Variants in MRPL22 observed in about 807,000 individuals in gnomAD.
MRPL22 encodes the protein large ribosomal subunit protein uL22m.
Under a neutral mutation model 32.4 loss-of-function variants are expected in MRPL22, and 27 were observed. The observed-to-expected ratio is 0.83, with a 90% CI of 0.61 to 1.15. The LOEUF is 1.15. Among genes scored for constraint, MRPL22 ranks in the 50% most tolerant of loss-of-function variants. The probability of loss-of-function intolerance (pLI) is 0.00; values close to 1 mark genes in which losing one functional copy is unlikely to be tolerated. For synonymous variants in MRPL22, 86 were observed against 87.3 expected, an observed-to-expected ratio of 0.99 and a Z score of 0.08; for missense variants, 239 against 260.2, an observed-to-expected ratio of 0.92 and a Z score of 0.56.
chr5:154,942,475 G>A (rs1230680251), intron 2 of MRPL22, among the ~76,000 whole-genome samples: 3 of 152,172 alleles, frequency 2.0e-5, no homozygotes, highest in East Asian at 1.9e-4. Context: ...CTTAGGATTT[G>A]TCTGTACTCT....
intron 3 of MRPL22, among the ~76,000 whole-genome samples, chr5:154,954,871 A>G (rs1764611044): frequency 6.6e-6 from 1 of 152,018 alleles, no homozygotes; most frequent in Admixed American, 6.6e-5. Context: ...AGCTCACTAC[A>G]AGCTCCACCT....
intron 4 of MRPL22, 161 bp from the exon 5 acceptor site, chr5:154,956,974 A>C (rs967805674): frequency 2.7e-5 from 16 of 600,028 alleles, no homozygotes; most frequent in Non-Finnish European, 4.4e-5. Context: ...TTTGACTGAA[A>C]GAGAATAGTG....
At chr5:154,959,837 T>G in intron 5 of MRPL22, 143 bp from the exon 6 acceptor site, 1 of 617,106 alleles carries the variant, frequency 1.6e-6, no homozygotes, top group African/African-American at 1.8e-5. Context: ...TTTGTACTCT[T>G]ATCATTTGAT....
At chr5:154,953,310 G>A (rs1401582917) in intron 3 of MRPL22, among the ~76,000 whole-genome samples, 5 of 137,778 alleles carry the variant, frequency 3.6e-5, no homozygotes, top group East Asian at 2.2e-4. Context: ...AGCTGAGATC[G>A]CACCACTGCA....
intron 5 of MRPL22, among the ~76,000 whole-genome samples, chr5:154,958,162 G>A (rs1478234693): frequency 8.6e-5 from 13 of 151,870 alleles, no homozygotes; most frequent in African/African-American, 1.7e-4. Context: ...CAGGCGATCC[G>A]CCCACCTCAG....
At chr5:154,946,032 A>G (rs181637059) in intron 2 of MRPL22, among the ~76,000 whole-genome samples, 109 of 152,336 alleles carry the variant, frequency 7.2e-4, no homozygotes, top group African/African-American at 2.5e-3. Flanking sequence ...AAAGTATTAT[A>G]AGAATTCAGA....
chr5:154,966,885 T>A lies in MRPL22; in HGVS notation c.609T>A (p.Val203=). The change falls in exon 7 of 7, where the codon GTT becomes GTA. Residue 203 remains valine, a synonymous_variant. Coordinates refer to ENST00000523037, the MANE Select transcript of MRPL22 (RefSeq NM_014180.4). ...AGCAGCTTCGCAGCCGGACCATCGT[T>A]CACACTCTATGATGAGGAGATTCAG... The part of the protein sequence containing the change: ...YIQQLRSRTI[V]HTL 6 of 1,611,996 alleles carry A rather than the reference T, an allele frequency of 3.7e-6. No individual in the cohort carries two copies. The highest frequency in any genetic ancestry group is 5.1e-6 in the Non-Finnish European group (6 of 1,178,856).
intron 6 of MRPL22, 71 bp downstream of exon 6, chr5:154,960,120 A>T (rs1764683393): frequency 9.1e-7 from 1 of 1,097,534 alleles, no homozygotes; most frequent in South Asian, 1.3e-5. Flanking sequence ...ATCTAACAAC[A>T]GTCTTTAATA....
chr5:154,949,816 C>T (rs1462619972), intron 2 of MRPL22, among the ~76,000 whole-genome samples: 1 of 152,056 alleles, frequency 6.6e-6, no homozygotes, highest in Non-Finnish European at 1.5e-5. Flanking sequence ...ATCATCAAGT[C>T]TCAGCCTATT....
At chr5:154,956,484 G>C in intron 4 of MRPL22, 48 bp downstream of exon 4, 1 of 1,328,766 alleles carries the variant, frequency 7.5e-7, no homozygotes, top group South Asian at 1.3e-5. Context: ...TAGGAAAGAA[G>C]CTATGAGTTC....
chr5:154,952,588 T>C (rs1764577667), intron 3 of MRPL22, among the ~76,000 whole-genome samples: 1 of 152,212 alleles, frequency 6.6e-6, no homozygotes, highest in Non-Finnish European at 1.5e-5. Context: ...CTGGGAAATA[T>C]GAACATTTTC....
At position 154,941,155 on chromosome 5, in the gene MRPL22, G is replaced by A. The variant is rs760543773; in HGVS notation, c.28+17G>A. On this transcript the variant is annotated intron_variant, in intron 1 of 6. Transcript: ENST00000523037. ...GACAGTTGGGTAAGGATTTCTTAGTGGTTAAGCGACAGAAGGGAGTCGAGA... is the reference window on the plus strand; with the variant it reads ...GACAGTTGGGTAAGGATTTCTTAGTAGTTAAGCGACAGAAGGGAGTCGAGA... The A allele has an allele frequency of 1.2e-6, 2 of 1,614,172 alleles. No individual in the cohort carries two copies. Among genetic ancestry groups the A allele is most frequent in the Non-Finnish European group, 1.7e-6 (2 of 1,180,044 alleles).
chr5:154,950,673 C>G, intron 2 of MRPL22, 148 bp from the exon 3 acceptor site: 2 of 683,482 alleles, frequency 2.9e-6, no homozygotes, highest in Middle Eastern at 7.3e-4. Context: ...AAAGTAGTCT[C>G]TATTAATGAA....
At chr5:154,943,866 T>C (rs912544535) in intron 2 of MRPL22, among the ~76,000 whole-genome samples, 1 of 151,800 alleles carries the variant, frequency 6.6e-6, no homozygotes, top group African/African-American at 2.4e-5. Context: ...AGTCCTGTTA[T>C]ATTGCCCGGC....
intron 3 of MRPL22, chr5:154,955,464 A>G (rs1052322924): frequency 1.3e-5 from 2 of 152,192 alleles, no homozygotes; most frequent in Non-Finnish European, 2.9e-5. Context: ...CAATAGAGGA[A>G]CTTTTGAAAG....
rs74797109 is a variant in MRPL22 at position 154,945,354 on chromosome 5, C to A, written c.77+4089C>A. ...GCAACTGGAAGGGTAGAGTTAACCA[C>A]TTACTGAGCTAGGAAGACTTCCAGA... On this transcript the variant is annotated intron_variant, in intron 2 of 6. Coordinates refer to ENST00000523037, the MANE Select transcript of MRPL22 (RefSeq NM_014180.4). Among the ~76,000 whole-genome samples, 22 of 152,306 alleles carry A rather than the reference C, an allele frequency of 1.4e-4. No individual in the cohort carries two copies. The East Asian group carries it at 4.0e-3, about 28-fold the overall frequency.
intron 2 of MRPL22, among the ~76,000 whole-genome samples, chr5:154,949,806 A>G (rs1004429486): frequency 6.6e-5 from 10 of 152,192 alleles, no homozygotes; most frequent in Non-Finnish European, 1.3e-4. Flanking sequence ...TGGGATCTTC[A>G]TCATCAAGTC....
intron 2 of MRPL22, among the ~76,000 whole-genome samples, chr5:154,943,146 C>G (rs867677373): frequency 6.8e-6 from 1 of 146,932 alleles, no homozygotes; most frequent in Admixed American, 6.8e-5. Flanking sequence ...CTTTTTTTTC[C>G]TTTTTTTTTT....
intron 6 of MRPL22, 90 bp downstream of exon 6, chr5:154,960,139 C>A: frequency 1.1e-6 from 1 of 923,448 alleles, no homozygotes; most frequent in Non-Finnish European, 1.7e-6. Flanking sequence ...TATCTAACTC[C>A]TCAGGACTTG....
Sources: gnomAD v4.1 joint callset for allele counts (sites outside exome capture counted in the v4.1 genomes callset) on GRCh38, gnomAD v4.1.1 for gene constraint, MANE v1.5 for transcripts, NCBI Gene and HGNC (gene_info 2026-07-23, HGNC 2026-07-21) for gene names.